HHAT: variants seen among roughly 807,000 people sequenced by gnomAD.
The protein encoded by HHAT is protein-cysteine N-palmitoyltransferase HHAT.
In HHAT, 47 loss-of-function variants were observed where a neutral mutation model predicts 70.8. The observed-to-expected ratio is 0.66, with a 90% CI of 0.53 to 0.85. The LOEUF (loss-of-function observed/expected upper bound fraction) is 0.85. Among genes scored for constraint, HHAT ranks in the 40% least tolerant of loss-of-function variants. The pLI, the probability that HHAT is intolerant of heterozygous loss-of-function variation, is 0.00. For missense variants in HHAT, 609 were observed against 604.8 expected (o/e 1.01, Z -0.07); for synonymous variants, 228 against 247.6 (o/e 0.92, Z 0.74).
intron 4 of HHAT, among the ~76,000 whole-genome samples, chr1:210,387,896 G>A (rs545655430): frequency 1.3e-5 from 2 of 152,312 alleles, no homozygotes; most frequent in African/African-American, 4.8e-5. Flanking sequence ...GAATCTGGAT[G>A]AGTTCACTTG....
intron 9 of HHAT, among the ~76,000 whole-genome samples, chr1:210,522,684 T>C (rs1014667642): frequency 6.6e-6 from 1 of 152,148 alleles, no homozygotes; most frequent in Non-Finnish European, 1.5e-5. Flanking sequence ...AGAGCTGTGA[T>C]GAAGTTTAAT....
intron 9 of HHAT, among the ~76,000 whole-genome samples, chr1:210,573,082 C>T (rs114737796): frequency 3.9e-5 from 6 of 152,316 alleles, no homozygotes; most frequent in African/African-American, 1.4e-4. Flanking sequence ...TTGATAGAAA[C>T]CAGTAGCAAA....
At chr1:210,420,395 A>G (rs563075459) in intron 7 of HHAT, among the ~76,000 whole-genome samples, 1 of 152,312 alleles carries the variant, frequency 6.6e-6, no homozygotes, top group African/African-American at 2.4e-5. Flanking sequence ...CGTTCTACAT[A>G]TACGAGGACA....
intron 6 of HHAT, among the ~76,000 whole-genome samples, chr1:210,412,884 C>A (rs908307908): frequency 1.3e-5 from 2 of 152,198 alleles, no homozygotes; most frequent in African/African-American, 4.8e-5. Flanking sequence ...GGCAGCCACA[C>A]CCCCTCACAG....
At chr1:210,353,009 C>A (rs1463218896) in intron 2 of HHAT, among the ~76,000 whole-genome samples, 1 of 151,508 alleles carries the variant, frequency 6.6e-6, no homozygotes, top group Non-Finnish European at 1.5e-5. Flanking sequence ...AATCTCGGCT[C>A]ACTGCAACCT....
chr1:210,428,410 G>A (rs1050748346), intron 7 of HHAT, among the ~76,000 whole-genome samples: 16 of 142,120 alleles, frequency 1.1e-4, no homozygotes, highest in African/African-American at 2.7e-4. Flanking sequence ...CTAAATTTTC[G>A]TTCTTGTTTG....
At chr1:210,509,911 T>C (rs2094925839) in intron 8 of HHAT, among the ~76,000 whole-genome samples, 1 of 152,230 alleles carries the variant, frequency 6.6e-6, no homozygotes, top group African/African-American at 2.4e-5. Flanking sequence ...CCTCTGGAGT[T>C]AGAATTAGTT....
intron 2 of HHAT, among the ~76,000 whole-genome samples, chr1:210,356,492 G>A (rs761946320): frequency 4.6e-5 from 7 of 151,564 alleles, no homozygotes; most frequent in Non-Finnish European, 8.8e-5. Flanking sequence ...TGCTTTTTCT[G>A]GTGCGAAGTA....
intron 4 of HHAT, among the ~76,000 whole-genome samples, chr1:210,395,209 C>G (rs1389517558): frequency 6.6e-6 from 1 of 152,124 alleles, no homozygotes; most frequent in African/African-American, 2.4e-5. Flanking sequence ...GACCAAGGCT[C>G]TACACTTTCA....
intron 11 of HHAT, among the ~76,000 whole-genome samples, chr1:210,625,482 C>G (rs1276832925): frequency 6.6e-6 from 1 of 152,162 alleles, no homozygotes; most frequent in African/African-American, 2.4e-5. Flanking sequence ...GCCAAACACA[C>G]AAAAATGTGC....
intron 11 of HHAT, among the ~76,000 whole-genome samples, chr1:210,674,013 G>A (rs1680717971): frequency 6.7e-6 from 1 of 149,398 alleles, no homozygotes; most frequent in African/African-American, 2.5e-5. Context: ...CATTGTGCAG[G>A]TTAGTTACAT....
intron 8 of HHAT, among the ~76,000 whole-genome samples, chr1:210,484,478 G>T (rs749814023): frequency 6.9e-6 from 1 of 144,322 alleles, no homozygotes; most frequent in Non-Finnish European, 1.5e-5. Flanking sequence ...TGATTTATCC[G>T]CTGTTACCAT....
At chr1:210,363,048 G>A (rs532232493) in intron 3 of HHAT, 129 bp downstream of exon 3, 35 of 765,858 alleles carry the variant, frequency 4.6e-5, no homozygotes, top group African/African-American at 1.4e-4. Context: ...CCTTTTTGCC[G>A]TAAAGGTGTG....
In HHAT at chr1:210,442,631, C is replaced by T. The variant is rs568379954; in HGVS notation, c.857-21874C>T. On this transcript the variant is annotated intron_variant, in intron 7 of 11. Transcript: ENST00000261458. Reference sequence around the variant, plus strand: ...GATGAGCATTTTTTCATGTGTTTTTCGGCTGCATAGATGTCTTCTTTTGAG... The same window carrying T: ...GATGAGCATTTTTTCATGTGTTTTTTGGCTGCATAGATGTCTTCTTTTGAG... Among the ~76,000 whole-genome samples the T allele has an allele frequency of 6.8e-3, 1,038 of 152,218 alleles. 13 individuals carry two copies. The highest frequency in any genetic ancestry group is 0.024 in the African/African-American group (983 of 41,510).
intron 7 of HHAT, among the ~76,000 whole-genome samples, chr1:210,453,575 T>G (rs2148404525): frequency 6.6e-6 from 1 of 152,294 alleles, no homozygotes; most frequent in Non-Finnish European, 1.5e-5. Flanking sequence ...ACCATGATCT[T>G]TGTTCATTCT....
chr1:210,410,523 A>ATTTTTTTTTTTT lies in HHAT; in HGVS notation c.684+5855_684+5866dup, dbSNP rs35608235. ...CTTTTGCTGTGTTGTTTATTTGTAA[A>ATTTTTTTTTTTT]TTTTTTTTTTTTTTTTTTTTTTAAG... On this transcript the variant is annotated intron_variant, in intron 6 of 11. Transcript: ENST00000261458. Among the ~76,000 whole-genome samples the ATTTTTTTTTTTT allele has an allele frequency of 1.3e-3, 154 of 116,406 alleles. 7 individuals are homozygous for ATTTTTTTTTTTT. Among genetic ancestry groups the ATTTTTTTTTTTT allele is most frequent in the African/African-American group, 5.5e-3 (151 of 27,616 alleles). 76.4% of individuals were successfully genotyped at this position (116,406 alleles called of 152,430 possible).
intron 11 of HHAT, among the ~76,000 whole-genome samples, chr1:210,629,146 T>C (rs1009086441): frequency 2.0e-5 from 3 of 152,236 alleles, no homozygotes; most frequent in Admixed American, 6.5e-5. Flanking sequence ...GTTTACATCA[T>C]TGGTCCATTT....
At chr1:210,624,844 C>T (rs1669529215) in intron 11 of HHAT, among the ~76,000 whole-genome samples, 1 of 152,244 alleles carries the variant, frequency 6.6e-6, no homozygotes, top group African/African-American at 2.4e-5. Flanking sequence ...GCTCTGTTCC[C>T]TGCCCAGTGA....
chr1:210,648,329 A>G (rs972309003), intron 11 of HHAT, among the ~76,000 whole-genome samples: 3 of 152,326 alleles, frequency 2.0e-5, no homozygotes, highest in East Asian at 1.9e-4. Context: ...AAGTAAGGAA[A>G]TTGAGTGCTG....
Sources: allele counts gnomAD v4.1 joint callset (sites outside exome capture counted in the v4.1 genomes callset), GRCh38; gene constraint gnomAD v4.1.1; transcripts MANE v1.5; gene names NCBI Gene and HGNC (gene_info 2026-07-23, HGNC 2026-07-21).